NR2E1: variants seen among roughly 807,000 people sequenced by gnomAD.
NR2E1 encodes the protein nuclear receptor subfamily 2 group E member 1.
Under a neutral mutation model 43.6 loss-of-function variants are expected in NR2E1, and 5 were observed. The observed-to-expected ratio is 0.11, with a 90% CI of 0.06 to 0.24. The LOEUF is 0.24. NR2E1 is among the 10% of genes least tolerant of loss of function. The pLI, the probability that NR2E1 is intolerant of heterozygous loss-of-function variation, is 1.00. For missense variants in NR2E1, 287 were observed against 496.7 expected, an observed-to-expected ratio of 0.58 and a Z score of 4.01; for synonymous variants, 191 against 195.5, an observed-to-expected ratio of 0.98 and a Z score of 0.19.
intron 8 of NR2E1, among the ~76,000 whole-genome samples, chr6:108,184,259 C>T (rs1038080513): frequency 2.0e-5 from 3 of 152,138 alleles, no homozygotes; most frequent in Non-Finnish European, 4.4e-5. Context: ...TATGTCCTAA[C>T]TGACCTTTGA....
intron 8 of NR2E1, among the ~76,000 whole-genome samples, chr6:108,184,350 C>T (rs145056470): frequency 1.8e-4 from 28 of 152,190 alleles, no homozygotes; most frequent in African/African-American, 4.1e-4. Context: ...AAGCCTTTGC[C>T]GAGTACTGGC....
Position 108,187,753 on chromosome 6 carries a change from TC to T in NR2E1, c.*291del. ...TGGGGGTTGCCACAGGCCGTGCCAT[TC>T]TGCCTCTTACCTGGAAGATCAGGCT... On this transcript the variant is annotated 3_prime_UTR_variant, in exon 9 of 9. Transcript: ENST00000368986. 4.7e-6 allele frequency: 2 copies of T among 427,184 alleles called. No individual in the cohort carries two copies. The highest frequency in any genetic ancestry group is 8.8e-6 in the Non-Finnish European group (2 of 227,328). The allele number at this position is 427,184 out of a possible 1,614,324, so 26.5% of individuals were successfully genotyped here. A position where few individuals can be genotyped will look rare whatever the true frequency, so the allele number is the denominator to read the frequency against.
chr6:108,179,931 G>A (rs1364527213), intron 5 of NR2E1, among the ~76,000 whole-genome samples: 11 of 152,042 alleles, frequency 7.2e-5, no homozygotes, highest in Middle Eastern at 3.2e-3. Context: ...CTCTGCAAGC[G>A]TCTGAGGAAT....
rs925155347 is a variant in NR2E1, at chr6:108,181,658, C to G, written c.995+7C>G. On this transcript the variant is annotated splice_region_variant and intron_variant, in intron 8 of 8. Coordinates refer to ENST00000368986, the MANE Select transcript of NR2E1 (RefSeq NM_003269.5). ...ACAGCTACATCCATACCAGGTGACCCTTGTTTGCCTTGAACATGTACTTAA... is the reference window on the plus strand; with the variant it reads ...ACAGCTACATCCATACCAGGTGACCGTTGTTTGCCTTGAACATGTACTTAA... 1.9e-6 allele frequency: 3 copies of G among 1,610,212 alleles called. No homozygotes were observed. The highest frequency in any genetic ancestry group is 4.5e-5 in the East Asian group (2 of 44,874).
At chr6:108,173,017 A>G (rs1304002538) in intron 2 of NR2E1, among the ~76,000 whole-genome samples, 1 of 152,240 alleles carries the variant, frequency 6.6e-6, no homozygotes, top group Admixed American at 6.5e-5. Flanking sequence ...ACAGAATTGG[A>G]AAATCAAGAT....
chr6:108,178,082 C>T lies in NR2E1; in HGVS notation c.496-13C>T. 1 of 1,614,146 alleles carries T rather than the reference C, an allele frequency of 6.2e-7. No individual in the cohort carries two copies. The highest frequency in any genetic ancestry group is 8.5e-7 in the Non-Finnish European group (1 of 1,179,972). ...TCCTCACTTCCAGGTGTCTTTCTTT[C>T]TTCCCTACCCAGTACCCCCATGAAG... On this transcript the variant is annotated splice_polypyrimidine_tract_variant and intron_variant, in intron 4 of 8. Transcript: ENST00000368986.
rs1773771345 is a variant in NR2E1 at position 108,169,621 on chromosome 6, G to A, written c.26-1837G>A. Among the ~76,000 whole-genome samples the A allele has an allele frequency of 6.6e-6, 1 of 152,152 alleles. No individual in the cohort carries two copies. ...ACCAAGTTTACCGCTTCCAGAGTGA[G>A]TGCAGTGCAGCGGAGCTCCAGACCC... On this transcript the variant is annotated intron_variant, in intron 1 of 8. Coordinates refer to ENST00000368986, the MANE Select transcript of NR2E1 (RefSeq NM_003269.5). The surrounding 1 kb of genome is among the most constrained non-coding windows in gnomAD (Gnocchi z 6.1).
chr6:108,167,980 T>A (rs1292843442), intron 1 of NR2E1: 1 of 1,551,874 alleles, frequency 6.4e-7, no homozygotes, highest in Non-Finnish European at 8.7e-7. Flanking sequence ...GGTGCTGACC[T>A]TTAAAAAATT....
rs567495634 is a variant in NR2E1 at position 108,183,347 on chromosome 6, A to T, written c.995+1696A>T. Among the ~76,000 whole-genome samples, 410 of 143,910 alleles carry T rather than the reference A, an allele frequency of 2.8e-3. 2 individuals are homozygous for T. Among genetic ancestry groups the T allele is most frequent in the African/African-American group, 9.0e-3 (357 of 39,802 alleles). 94.4% of individuals were successfully genotyped at this position (143,910 alleles called of 152,430 possible). A position where few individuals can be genotyped will look rare whatever the true frequency, so the allele number is the denominator to read the frequency against. The stretch of plus-strand genomic sequence containing the variant: ...AAGACCCCATCTCCACCAAAAATTT[A>T]AAAAAAAAAAAAAGAAGAAGTGTAA... On this transcript the variant is annotated intron_variant, in intron 8 of 8. Transcript: ENST00000368986.
At chr6:108,183,782 A>T (rs1430203934) in intron 8 of NR2E1, among the ~76,000 whole-genome samples, 1 of 152,236 alleles carries the variant, frequency 6.6e-6, no homozygotes. Flanking sequence ...TGTTTTTTCA[A>T]ATTAAAATGC....
rs113844453 is a variant in NR2E1 at position 108,174,005 on chromosome 6, T to C, written c.172-831T>C. On this transcript the variant is annotated intron_variant, in intron 2 of 8. Coordinates refer to ENST00000368986, the MANE Select transcript of NR2E1 (RefSeq NM_003269.5). ...TTACTATGCTAACAGTCTGAGCCCA[T>C]ATTATCATTTAGTCTGACAGTCCAT... is the stretch of plus-strand genomic sequence containing the variant. 8.5e-4 allele frequency among the ~76,000 whole-genome samples: 130 copies of C among 152,348 alleles called. 1 individual carries two copies. The highest frequency in any genetic ancestry group is 3.0e-3 in the African/African-American group (126 of 41,586).
chr6:108,170,716 G>A (rs9480838), intron 1 of NR2E1, among the ~76,000 whole-genome samples: 22 of 152,208 alleles, frequency 1.4e-4, no homozygotes, highest in African/African-American at 5.3e-4. Context: ...GGAAATGGAG[G>A]GAGCCTGTCC....
At chr6:108,168,140 C>A in intron 1 of NR2E1, 3 of 1,599,258 alleles carry the variant, frequency 1.9e-6, no homozygotes, top group Admixed American at 1.7e-5. Context: ...TACCCTGGCC[C>A]TCGCTGTTGG....
In NR2E1 at chr6:108,180,903, G is replaced by A. The variant is rs776107849; in HGVS notation, c.836G>A (p.Arg279Gln). ...QEVVARFRQL[R>Q]LDATEFACLK... ...GTGGTGGCTCGATTTAGACAACTCC[G>A]GTTAGATGCTACTGAATTTGCCTGT... is the stretch of plus-strand genomic sequence containing the variant. The change falls in exon 7 of 9, where the codon CGG becomes CAG. Residue 279 changes from arginine to glutamine, a missense_variant. Transcript: ENST00000368986. This position sits in a 1 kb window ranked among gnomAD's most constrained non-coding sequence, Gnocchi z 5.4. 5.6e-6 allele frequency: 9 copies of A among 1,614,060 alleles called. No individual in the cohort carries two copies. The highest frequency in any genetic ancestry group is 1.6e-4 in the Middle Eastern group (1 of 6,062).
chr6:108,170,757 GC>G (rs1305068151), intron 1 of NR2E1, among the ~76,000 whole-genome samples: 6 of 152,124 alleles, frequency 3.9e-5, no homozygotes, highest in Non-Finnish European at 8.8e-5. Context: ...CCGACAACTT[GC>G]GTCGCTCCCC....
In NR2E1 at chr6:108,176,279, C is replaced by T. The variant is rs1407135972; in HGVS notation, c.260-224C>T. 3 of 592,766 alleles carry T rather than the reference C, an allele frequency of 5.1e-6. No individual in the cohort carries two copies. The East Asian group carries it at 8.3e-5, about 16-fold the overall frequency. 36.7% of individuals were successfully genotyped at this position (592,766 alleles called of 1,614,324 possible). ...TGCCATTATCGTGGCACTTTGAGCA[C>T]GGGCCCCTCTTCTAAGCCTCAGCTT... On this transcript the variant is annotated intron_variant, in intron 3 of 8. Transcript: ENST00000368986.
chr6:108,176,855 C>T, intron 4 of NR2E1, 117 bp downstream of exon 4: 1 of 976,090 alleles, frequency 1.0e-6, no homozygotes, highest in South Asian at 1.6e-5. Context: ...CTCCAGGGTG[C>T]TTGGCGGGTC....
At position 108,166,752 on chromosome 6, in the gene NR2E1, C is replaced by T. The variant is rs1387941622; in HGVS notation, c.-14C>T. ...GGCAGCGCCCACCAACCGCTCCGCC[C>T]CGGGACAGCCAGCATGAGCAAGCCA... On this transcript the variant is annotated 5_prime_UTR_variant, in exon 1 of 9. Transcript: ENST00000368986. The surrounding 1 kb of genome is among the most constrained non-coding windows in gnomAD (Gnocchi z 7.2). 6.4e-7 allele frequency: 1 copy of T among 1,572,458 alleles called. No homozygotes were observed. The highest frequency in any genetic ancestry group is 8.6e-7 in the Non-Finnish European group (1 of 1,164,382).
At chr6:108,168,271 A>C (rs2114669180) in intron 1 of NR2E1, 2 of 1,193,580 alleles carry the variant, frequency 1.7e-6, no homozygotes, top group East Asian at 5.3e-5. Context: ...GCAAAAACTG[A>C]AGCCCGTGGG....
Sources: gnomAD v4.1 joint callset for allele counts (sites outside exome capture counted in the v4.1 genomes callset) on GRCh38, gnomAD v4.1.1 for gene constraint, Gnocchi (gnomAD v3.1) non-coding constraint, MANE v1.5 for transcripts, NCBI Gene and HGNC (gene_info 2026-07-23, HGNC 2026-07-21) for gene names.